MYH11: variants seen among roughly 807,000 people sequenced by gnomAD.
The protein encoded by MYH11 is myosin heavy chain 11.
A neutral mutation model predicts 246.6 loss-of-function variants in MYH11; 80 were observed. That is an observed-to-expected ratio of 0.32 (90% CI 0.27 to 0.39). The LOEUF is 0.39. MYH11 is among the 10% of genes least tolerant of loss of function. MYH11 has a pLI of 1.00. For missense variants in MYH11, 2,158 were observed against 2,546.8 expected, an observed-to-expected ratio of 0.85 and a Z score of 3.29; for synonymous variants, 1,071 against 1,015.5, an observed-to-expected ratio of 1.05 and a Z score of -1.04.
At chr16:15,782,267 C>T in intron 6 of MYH11, 118 bp downstream of exon 6, 3 of 817,560 alleles carry the variant, frequency 3.7e-6, no homozygotes, top group Non-Finnish European at 6.4e-6. Context: ...TTGTGAGATA[C>T]AGCCCATCTC....
Position 15,721,010 on chromosome 16 carries a change from C to T in MYH11, c.4620G>A (p.Gln1540=), listed in dbSNP as rs1418865149. The change falls in exon 33 of 41, where the codon CAG becomes CAA. Residue 1540 remains glutamine, a synonymous_variant. Coordinates refer to ENST00000300036, the MANE Select transcript of MYH11 (RefSeq NM_002474.3). ...CCAGCTGCGTCTTCATCTCCTCCAT[C>T]TGGGTCTCCAGGGCCCGCTTGGACT... ...LEKSKRALET[Q]MEEMKTQLEE... is the part of the protein sequence containing the mutation. 1.2e-6 allele frequency: 2 copies of T among 1,614,144 alleles called. No individual in the cohort carries two copies. The highest frequency in any genetic ancestry group is 1.7e-6 in the Non-Finnish European group (2 of 1,180,024).
intron 28 of MYH11, 74 bp downstream of exon 28, chr16:15,726,774 C>T (rs1016558157): frequency 1.2e-5 from 19 of 1,559,028 alleles, no homozygotes; most frequent in East Asian, 6.8e-5. Context: ...CTCAGCGAGC[C>T]GGGAAGAGGC....
At chr16:15,845,957 G>C (rs928092219) in intron 1 of MYH11, among the ~76,000 whole-genome samples, 1 of 152,024 alleles carries the variant, frequency 6.6e-6, no homozygotes, top group Non-Finnish European at 1.5e-5. Context: ...AAATTAGCCA[G>C]GATTGGTGGT....
chr16:15,718,353 C>G lies in MYH11; in HGVS notation c.5257G>C (p.Glu1753Gln), dbSNP rs2040280173. 1 of 1,608,912 alleles carries G rather than the reference C, an allele frequency of 6.2e-7. No homozygotes were observed. Among genetic ancestry groups the G allele is most frequent in the Admixed American group, 1.7e-5 (1 of 59,960 alleles). Residue 1753 changes from glutamate to glutamine, a missense_variant, in exon 37 of 41, where the codon GAG (glutamate) becomes CAG (glutamine). Glu to Gln is a conservative substitution (Grantham distance 29). Coordinates refer to ENST00000300036, the MANE Select transcript of MYH11 (RefSeq NM_002474.3). ...EELEEEQGNM[E>Q]AMSDRVRKAT... is the part of the protein sequence containing the mutation. ...TTGCGGACCCGGTCGCTCATGGCCT[C>G]CATGTTGCCCTGCTCCTCCTCCAGC...
At chr16:15,770,556 C>G (rs1048564280) in intron 9 of MYH11, among the ~76,000 whole-genome samples, 45 of 152,126 alleles carry the variant, frequency 3.0e-4, no homozygotes, top group African/African-American at 1.0e-3. Flanking sequence ...CAATTGATCA[C>G]CAGAGCAACC....
At chr16:15,826,754 G>A (rs2043578310) in intron 2 of MYH11, among the ~76,000 whole-genome samples, 1 of 151,918 alleles carries the variant, frequency 6.6e-6, no homozygotes, top group Admixed American at 6.6e-5. Context: ...TACTTTGGGA[G>A]ACCAAGGAGG....
chr16:15,785,170 T>G (rs2042441029), intron 5 of MYH11: 1 of 158,168 alleles, frequency 6.3e-6, no homozygotes, highest in South Asian at 1.9e-4. Flanking sequence ...TTCTAATTTC[T>G]TAGAGATCCA....
At chr16:15,761,267 C>T (rs1387530468) in intron 10 of MYH11, among the ~76,000 whole-genome samples, 21 of 152,084 alleles carry the variant, frequency 1.4e-4, no homozygotes, top group African/African-American at 5.1e-4. Flanking sequence ...CCTGCCACCA[C>T]ACCCAGCTAA....
In MYH11 at chr16:15,715,004, G is replaced by A. The variant is rs149566621; in HGVS notation, c.5691C>T (p.Asn1897=). 7.0e-4 allele frequency: 1,129 copies of A among 1,613,964 alleles called. 4 individuals are homozygous for A. The African/African-American group carries it at 8.0e-3, about 11-fold the overall frequency. Reference sequence around the variant, plus strand: ...CCCGCTGCAGCTTCCTGCGGTTGGCGTTGATGCGCTGGGACTCCTCCTCTG... The same window carrying A: ...CCCGCTGCAGCTTCCTGCGGTTGGCATTGATGCGCTGGGACTCCTCCTCTG... The part of the protein sequence containing the change: ...EEAEEESQRI[N]ANRRKLQREL... The change falls in exon 40 of 41, where the codon AAC becomes AAT. Residue 1897 remains asparagine (N), a synonymous_variant. Coordinates refer to ENST00000300036, the MANE Select transcript of MYH11 (RefSeq NM_002474.3).
At chr16:15,740,779 G>A (rs1188799037) in intron 22 of MYH11, among the ~76,000 whole-genome samples, 2 of 152,086 alleles carry the variant, frequency 1.3e-5, no homozygotes, top group African/African-American at 2.4e-5. Flanking sequence ...CTTGAGTGGG[G>A]GTTAGATTTG....
intron 13 of MYH11, among the ~76,000 whole-genome samples, chr16:15,757,166 T>G (rs1315805085): frequency 6.6e-6 from 1 of 150,952 alleles, no homozygotes; most frequent in Non-Finnish European, 1.5e-5. Context: ...GTTAGAAAAG[T>G]TTTTTTTGGA....
chr16:15,720,528 C>T (rs776561192), intron 33 of MYH11, among the ~76,000 whole-genome samples: 3 of 151,482 alleles, frequency 2.0e-5, no homozygotes, highest in Non-Finnish European at 4.4e-5. Flanking sequence ...GAGAATGGAT[C>T]ACTTGAGGCC....
intron 38 of MYH11, 118 bp from the exon 39 acceptor site, chr16:15,715,390 C>A (rs1268950950): frequency 1.7e-5 from 15 of 870,404 alleles, no homozygotes; most frequent in Non-Finnish European, 2.9e-5. Context: ...GGACTCCTCT[C>A]AAGAATCAGT....
intron 30 of MYH11, 25 bp from the exon 31 acceptor site, chr16:15,724,434 G>T: frequency 1.2e-6 from 2 of 1,613,074 alleles, no homozygotes; most frequent in Middle Eastern, 1.8e-4. Context: ...TCCAGGGTAG[G>T]GTGAGAGGGG....
At chr16:15,794,244 C>G (rs944743948) in intron 4 of MYH11, among the ~76,000 whole-genome samples, 2 of 152,244 alleles carry the variant, frequency 1.3e-5, no homozygotes, top group Admixed American at 6.5e-5. Context: ...CAGTGCGCGG[C>G]CAATTTTCAG....
At chr16:15,821,470 T>A (rs767383501) in intron 3 of MYH11, among the ~76,000 whole-genome samples, 37 of 152,314 alleles carry the variant, frequency 2.4e-4, no homozygotes, top group Non-Finnish European at 5.0e-4. Flanking sequence ...ATATACAATA[T>A]TAAAGACTTT....
intron 40 of MYH11, among the ~76,000 whole-genome samples, chr16:15,707,422 C>T (rs528727227): frequency 2.0e-5 from 3 of 152,274 alleles, no homozygotes; most frequent in Non-Finnish European, 4.4e-5. Context: ...GACTCAGTTT[C>T]CCACTGACCA....
chr16:15,715,300 T>A, intron 38 of MYH11, 28 bp from the exon 39 acceptor site: 1 of 1,611,960 alleles, frequency 6.2e-7, no homozygotes, highest in Non-Finnish European at 8.5e-7. Context: ...AACAGGTGGT[T>A]TCAGCGGAGG....
At chr16:15,848,612 C>T (rs951753411) in intron 1 of MYH11, among the ~76,000 whole-genome samples, 3 of 152,104 alleles carry the variant, frequency 2.0e-5, no homozygotes, top group Admixed American at 1.3e-4. Flanking sequence ...TGGGATGTTC[C>T]GCAGCATCCC....
Sources: gnomAD v4.1 joint callset for allele counts (sites outside exome capture counted in the v4.1 genomes callset) on GRCh38, gnomAD v4.1.1 for gene constraint, MANE v1.5 for transcripts, NCBI Gene and HGNC (gene_info 2026-07-23, HGNC 2026-07-21) for gene names.